Variants in DNAH14 observed in about 807,000 individuals in gnomAD.
DNAH14 encodes the protein axonemal beta dynein heavy chain 14.
A neutral mutation model predicts 520.9 loss-of-function variants in DNAH14; 478 were observed. The ratio of observed to expected loss-of-function variants is 0.92; its 90% CI spans 0.85 to 0.99. DNAH14 has a LOEUF of 0.99. DNAH14 is among the 50% of genes least tolerant of loss of function. DNAH14 has a pLI of 0.00. For missense variants in DNAH14, 4,831 were observed against 5,234.5 expected (o/e 0.92, Z 2.38); for synonymous variants, 1,581 against 1,757.2 (o/e 0.90, Z 2.51).
chr1:224,983,130 G>A (rs548050587), intron 8 of DNAH14, among the ~76,000 whole-genome samples: 11 of 152,230 alleles, frequency 7.2e-5, no homozygotes, highest in African/African-American at 2.2e-4. Flanking sequence ...AAACTTGCAA[G>A]CTCCAGTGTT....
At chr1:225,188,301 C>G (rs965370441) in intron 37 of DNAH14, among the ~76,000 whole-genome samples, 1 of 151,882 alleles carries the variant, frequency 6.6e-6, no homozygotes, top group African/African-American at 2.4e-5. Context: ...TAGTTCATCT[C>G]TTTATATTGG....
intron 43 of DNAH14, chr1:225,250,547 A>G: frequency 4.6e-6 from 2 of 431,534 alleles, no homozygotes; most frequent in Non-Finnish European, 4.3e-6. Context: ...TGGGTGAGGT[A>G]TGGTGAGGCC....
Position 225,225,025 on chromosome 1 carries a change from T to C in DNAH14, c.6440-6048T>C, listed in dbSNP as rs373494094. 1.2e-3 allele frequency among the ~76,000 whole-genome samples: 190 copies of C among 152,342 alleles called. 1 individual carries two copies. Among genetic ancestry groups the C allele is most frequent in the South Asian group, 8.5e-3 (41 of 4,828 alleles). On this transcript the variant is annotated intron_variant, in intron 41 of 85. Coordinates refer to ENST00000682510, the MANE Select transcript of DNAH14 (RefSeq NM_001367479.1). Reference sequence around the variant, plus strand: ...GCTCACTGCTTGGCCCATTGGCTTATGGCAATGATCAAGCAGACCTGCAAG... The same window carrying C: ...GCTCACTGCTTGGCCCATTGGCTTACGGCAATGATCAAGCAGACCTGCAAG...
chr1:225,171,637 C>T (rs2082679088), intron 36 of DNAH14, among the ~76,000 whole-genome samples: 1 of 152,094 alleles, frequency 6.6e-6, no homozygotes, highest in Non-Finnish European at 1.5e-5. Flanking sequence ...AATAGCTTAC[C>T]AACCAAAAGA....
chr1:225,113,892 G>C (rs142384115), intron 23 of DNAH14, among the ~76,000 whole-genome samples: 1 of 152,084 alleles, frequency 6.6e-6, no homozygotes, highest in Non-Finnish European at 1.5e-5. Context: ...CTCCATTCTA[G>C]CCCAGGGCAG....
At chr1:224,937,254 A>C (rs10915745) in intron 1 of DNAH14, among the ~76,000 whole-genome samples, 8,006 of 152,096 alleles carry the variant, frequency 0.053, 615 homozygotes, top group African/African-American at 0.17. Flanking sequence ...GGAAAGGAAG[A>C]AATCAGATTA....
At chr1:225,138,709 G>T (rs74147128) in intron 27 of DNAH14, among the ~76,000 whole-genome samples, 2,791 of 152,246 alleles carry the variant, frequency 0.018, 96 homozygotes, top group African/African-American at 0.063. Flanking sequence ...GGGTGGGGTT[G>T]CACAGTCACT....
At chr1:224,989,571 T>A (rs2062887488) in intron 8 of DNAH14, among the ~76,000 whole-genome samples, 1 of 152,168 alleles carries the variant, frequency 6.6e-6, no homozygotes. Flanking sequence ...TCTTCTTGCC[T>A]TATATAATGG....
intron 60 of DNAH14, among the ~76,000 whole-genome samples, chr1:225,312,273 T>A (rs2094383452): frequency 6.6e-6 from 1 of 152,180 alleles, no homozygotes; most frequent in African/African-American, 2.4e-5. Flanking sequence ...ATATGAATGC[T>A]TGTGATTTTT....
intron 17 of DNAH14, among the ~76,000 whole-genome samples, chr1:225,054,664 C>T (rs1490546631): frequency 6.6e-6 from 1 of 152,012 alleles, no homozygotes; most frequent in Non-Finnish European, 1.5e-5. Context: ...ATATAGTTAG[C>T]TTCTATACAG....
At chr1:225,274,560 G>A (rs780526052) in intron 52 of DNAH14, among the ~76,000 whole-genome samples, 1 of 152,126 alleles carries the variant, frequency 6.6e-6, no homozygotes, top group East Asian at 1.9e-4. Flanking sequence ...ATCTAATTGT[G>A]GTTTTGATTT....
chr1:225,188,297 A>T (rs544439546), intron 37 of DNAH14, among the ~76,000 whole-genome samples: 1 of 151,882 alleles, frequency 6.6e-6, no homozygotes, highest in African/African-American at 2.4e-5. Flanking sequence ...ACCTTAGTTC[A>T]TCTCTTTATA....
chr1:225,085,524 G>C lies in DNAH14; in HGVS notation c.3328-20G>C, dbSNP rs998290476. On this transcript the variant is annotated intron_variant, in intron 20 of 85. Transcript: ENST00000682510. Reference sequence around the variant, plus strand: ...ATTATTTGCTATACTGGATACTAAAGAATACTTTGTTCATTTTAGATGTTT... The same window carrying C: ...ATTATTTGCTATACTGGATACTAAACAATACTTTGTTCATTTTAGATGTTT... 3 of 1,528,076 alleles carry C rather than the reference G, an allele frequency of 2.0e-6. No homozygotes were observed. Among genetic ancestry groups the C allele is most frequent in the Non-Finnish European group, 2.7e-6 (3 of 1,129,424 alleles). 94.7% of individuals were successfully genotyped at this position (1,528,076 alleles called of 1,614,324 possible).
At chr1:225,061,385 T>G (rs2070077274) in intron 17 of DNAH14, among the ~76,000 whole-genome samples, 1 of 152,130 alleles carries the variant, frequency 6.6e-6, no homozygotes, top group South Asian at 2.1e-4. Context: ...AGGGTGGGAG[T>G]GACCCGATTT....
At chr1:224,965,834 T>C (rs1239909471) in intron 5 of DNAH14, among the ~76,000 whole-genome samples, 1 of 152,122 alleles carries the variant, frequency 6.6e-6, no homozygotes, top group African/African-American at 2.4e-5. Context: ...GGCACAGTAG[T>C]TTAAAAACAA....
intron 71 of DNAH14, among the ~76,000 whole-genome samples, chr1:225,350,860 A>G (rs2095355468): frequency 6.6e-6 from 1 of 152,200 alleles, no homozygotes; most frequent in African/African-American, 2.4e-5. Flanking sequence ...AAAATTGAAG[A>G]GACAGAAACA....
intron 81 of DNAH14, among the ~76,000 whole-genome samples, 197 bp downstream of exon 81, chr1:225,381,776 T>C (rs1215611346): frequency 2.0e-5 from 3 of 152,246 alleles, no homozygotes; most frequent in Non-Finnish European, 4.4e-5. Context: ...GGCAGCACCA[T>C]CACTTAGTTC....
chr1:225,363,335 A>G (rs2095514648), intron 75 of DNAH14, among the ~76,000 whole-genome samples: 1 of 152,200 alleles, frequency 6.6e-6, no homozygotes, highest in East Asian at 1.9e-4. Flanking sequence ...CAAAGTTTCA[A>G]TTCAAGATTT....
chr1:225,020,401 G>T (rs1363522595), intron 10 of DNAH14, among the ~76,000 whole-genome samples: 1 of 150,536 alleles, frequency 6.6e-6, no homozygotes, highest in Admixed American at 6.7e-5. Context: ...GGAGGCTGAG[G>T]CAGGAGAATC....
Sources: allele counts gnomAD v4.1 joint callset (sites outside exome capture counted in the v4.1 genomes callset), GRCh38; gene constraint gnomAD v4.1.1; transcripts MANE v1.5; gene names NCBI Gene and HGNC (gene_info 2026-07-23, HGNC 2026-07-21).